NKAIN3: variants seen among roughly 807,000 people sequenced by gnomAD.
NKAIN3 encodes the protein sodium/potassium transporting ATPase interacting 3.
A neutral mutation model predicts 30.2 loss-of-function variants in NKAIN3; 25 were observed. The observed-to-expected ratio is 0.83, with a 90% CI of 0.60 to 1.16. The LOEUF (loss-of-function observed/expected upper bound fraction) is 1.16, where lower values mean the gene tolerates loss of function less well. NKAIN3 is among the 50% of genes most tolerant of loss of function. The probability of loss-of-function intolerance (pLI) is 0.00; values close to 1 mark genes in which losing one functional copy is unlikely to be tolerated. For missense variants in NKAIN3, 225 were observed against 254.1 expected (o/e 0.89, Z 0.78); for synonymous variants, 91 against 89.6 (o/e 1.02, Z -0.09).
intron 4 of NKAIN3, among the ~76,000 whole-genome samples, chr8:62,770,033 T>A (rs1786190503): frequency 1.3e-5 from 2 of 152,204 alleles, no homozygotes; most frequent in South Asian, 4.1e-4. Context: ...TAATAGAATA[T>A]GACAAAGATG....
intron 1 of NKAIN3, among the ~76,000 whole-genome samples, chr8:62,302,878 T>A (rs1218316362): frequency 6.6e-6 from 1 of 150,940 alleles, no homozygotes; most frequent in African/African-American, 2.5e-5. Flanking sequence ...CCCTGGGATT[T>A]CTTTACAGTG....
At chr8:62,787,999 T>C (rs1817578667) in intron 4 of NKAIN3, among the ~76,000 whole-genome samples, 1 of 149,002 alleles carries the variant, frequency 6.7e-6, no homozygotes, top group South Asian at 2.1e-4. Context: ...TACATGTGCA[T>C]GTGTCTTTAT....
chr8:62,680,077 G>A (rs1813604312), intron 3 of NKAIN3, among the ~76,000 whole-genome samples: 1 of 152,140 alleles, frequency 6.6e-6, no homozygotes, highest in Admixed American at 6.6e-5. Flanking sequence ...AGAGGGACTT[G>A]ACCCATCATT....
At chr8:62,264,815 G>C (rs572088025) in intron 1 of NKAIN3, among the ~76,000 whole-genome samples, 1 of 152,276 alleles carries the variant, frequency 6.6e-6, no homozygotes, top group African/African-American at 2.4e-5. Context: ...ACATCACGGT[G>C]CATGTGCCAC....
chr8:62,617,602 GT>G (rs1171870550), intron 3 of NKAIN3, among the ~76,000 whole-genome samples: 1 of 152,148 alleles, frequency 6.6e-6, no homozygotes, highest in Non-Finnish European at 1.5e-5. Context: ...CTCCCAAAGA[GT>G]GCCCTTTCTC....
intron 3 of NKAIN3, among the ~76,000 whole-genome samples, chr8:62,705,034 T>A (rs1215894814): frequency 2.0e-5 from 3 of 152,190 alleles, no homozygotes. Context: ...CATTTGTTGC[T>A]GAGAACAATG....
intron 1 of NKAIN3, among the ~76,000 whole-genome samples, chr8:62,558,834 C>T (rs1271907067): frequency 6.6e-6 from 1 of 151,760 alleles, no homozygotes; most frequent in Non-Finnish European, 1.5e-5. Context: ...TTTAAATTTC[C>T]CTCTCAACAT....
chr8:62,440,753 A>C (rs1011260160), intron 1 of NKAIN3, among the ~76,000 whole-genome samples: 1 of 151,832 alleles, frequency 6.6e-6, no homozygotes, highest in Non-Finnish European at 1.5e-5. Context: ...ACAGATGTCA[A>C]TGAAAGACCT....
rs1358656532 is a variant in NKAIN3, at chr8:62,347,768, G to A, written c.54+98641G>A. Among the ~76,000 whole-genome samples, 4 of 152,052 alleles carry A rather than the reference G, an allele frequency of 2.6e-5. No individual in the cohort carries two copies. In the East Asian group the frequency reaches 7.7e-4, roughly 29 times the overall value. On this transcript the variant is annotated intron_variant, in intron 1 of 6. Transcript: ENST00000623646. ...CAAAACTAACAAGGAAGATATGATA[G>A]GCTCATTCTGGAGTAGATAAGTATG...
At chr8:62,548,507 T>G (rs1809088854) in intron 1 of NKAIN3, among the ~76,000 whole-genome samples, 3 of 152,140 alleles carry the variant, frequency 2.0e-5, no homozygotes. Context: ...CCAGCTCTGA[T>G]GCTTTCCATT....
At position 62,982,537 on chromosome 8, in the gene NKAIN3, T is replaced by C. The variant is rs187373908; in HGVS notation, c.*17130T>C. On this transcript the variant is annotated 3_prime_UTR_variant, in exon 7 of 7. Coordinates refer to ENST00000623646, the MANE Select transcript of NKAIN3 (RefSeq NM_001304533.3). Reference sequence around the variant, plus strand: ...AAAGGGCAAAGCGTCAGTAATTCTGTAGACATGCTTCATGCATGTTCTGAA... The same window carrying C: ...AAAGGGCAAAGCGTCAGTAATTCTGCAGACATGCTTCATGCATGTTCTGAA... 1 of 152,328 alleles carries C rather than the reference T, an allele frequency of 6.6e-6. No homozygotes were observed. Among genetic ancestry groups the C allele is most frequent in the East Asian group, 1.9e-4 (1 of 5,180 alleles). The allele number at this position is 152,328 out of a possible 1,614,324, so 9.4% of individuals were successfully genotyped here. A position where few individuals can be genotyped will look rare whatever the true frequency, so the allele number is the denominator to read the frequency against.
intron 1 of NKAIN3, among the ~76,000 whole-genome samples, chr8:62,574,674 G>A (rs1810053273): frequency 6.6e-6 from 1 of 151,962 alleles, no homozygotes; most frequent in Admixed American, 6.6e-5. Flanking sequence ...CAGTGTACAG[G>A]GTTTCCCTTT....
At chr8:62,598,708 C>T (rs1416212608) in intron 3 of NKAIN3, among the ~76,000 whole-genome samples, 3 of 151,912 alleles carry the variant, frequency 2.0e-5, no homozygotes, top group Non-Finnish European at 4.4e-5. Context: ...TTCTAATTCA[C>T]GTAGAAGGGA....
chr8:62,974,894 C>T lies in NKAIN3; in HGVS notation c.*9487C>T, dbSNP rs1823910464. The stretch of plus-strand genomic sequence containing the variant: ...AAGGAGGGTTGAATTTTGTCGAAGG[C>T]CTTTTCCGCATCTATTGAGATAATC... On this transcript the variant is annotated 3_prime_UTR_variant, in exon 7 of 7. Transcript: ENST00000623646. Among the ~76,000 whole-genome samples, 1 of 152,134 alleles carries T rather than the reference C, an allele frequency of 6.6e-6. No individual in the cohort carries two copies. The highest frequency in any genetic ancestry group is 2.1e-4 in the South Asian group (1 of 4,822).
chr8:62,993,775 G>C (rs947281922), intron 5 of NKAIN3, among the ~76,000 whole-genome samples: 2 of 152,260 alleles, frequency 1.3e-5, no homozygotes, highest in Middle Eastern at 3.4e-3. Flanking sequence ...ATTACCTAAG[G>C]CAGCCTATGT....
intron 1 of NKAIN3, among the ~76,000 whole-genome samples, chr8:62,506,823 G>T (rs1259412514): frequency 1.3e-5 from 2 of 152,052 alleles, no homozygotes; most frequent in African/African-American, 4.8e-5. Context: ...GGGTGTCTGA[G>T]GTGACCATGT....
Position 62,732,629 on chromosome 8 carries a change from T to C in NKAIN3, c.274-14303T>C, listed in dbSNP as rs77355766. Reference sequence around the variant, plus strand: ...ATATTTTTGTTTCATCTGACAAATATTGATGGTGGACTTGACAATTACTAC... The same window carrying C: ...ATATTTTTGTTTCATCTGACAAATACTGATGGTGGACTTGACAATTACTAC... On this transcript the variant is annotated intron_variant, in intron 3 of 6. Transcript: ENST00000623646. Among the ~76,000 whole-genome samples, 1,497 of 152,224 alleles carry C rather than the reference T, an allele frequency of 9.8e-3. 24 individuals carry two copies. Among genetic ancestry groups the C allele is most frequent in the African/African-American group, 0.034 (1,418 of 41,564 alleles).
chr8:62,660,844 T>A (rs1480188), intron 3 of NKAIN3, among the ~76,000 whole-genome samples: 5,734 of 152,302 alleles, frequency 0.038, 370 homozygotes, highest in African/African-American at 0.13. Context: ...AGACAGAATG[T>A]GAGCAGCTGC....
chr8:62,728,981 C>T (rs140452811), intron 3 of NKAIN3, among the ~76,000 whole-genome samples: 1,348 of 105,850 alleles, frequency 0.013, 24 homozygotes, highest in African/African-American at 0.048. Context: ...CAGAGCAAGA[C>T]TCCGTCTCAA....
Sources: allele counts gnomAD v4.1 joint callset (sites outside exome capture counted in the v4.1 genomes callset), GRCh38; gene constraint gnomAD v4.1.1; transcripts MANE v1.5; gene names NCBI Gene and HGNC (gene_info 2026-07-23, HGNC 2026-07-21).